NDST4: variants seen among roughly 807,000 people sequenced by gnomAD.
NDST4 encodes N-heparan sulfate sulfotransferase 4.
In NDST4, 63 loss-of-function variants were observed where a neutral mutation model predicts 100.8. The observed-to-expected ratio is 0.62, with a 90% CI of 0.51 to 0.77. NDST4 has a LOEUF of 0.77. Among genes scored for constraint, NDST4 ranks in the 30% least tolerant of loss-of-function variants. The probability of loss-of-function intolerance (pLI) is 0.00; values close to 1 mark genes in which losing one functional copy is unlikely to be tolerated. For missense variants in NDST4, 943 were observed against 1,018.4 expected (o/e 0.93, Z 1.01); for synonymous variants, 377 against 361.8 (o/e 1.04, Z -0.48).
intron 10 of NDST4, among the ~76,000 whole-genome samples, chr4:114,842,350 C>T (rs1305070703): frequency 2.0e-5 from 3 of 151,978 alleles, no homozygotes; most frequent in African/African-American, 7.3e-5. Flanking sequence ...TTTTCCATCT[C>T]AGGTCTTTGG....
At chr4:114,940,812 T>G (rs933899829) in intron 4 of NDST4, among the ~76,000 whole-genome samples, 2 of 152,164 alleles carry the variant, frequency 1.3e-5, no homozygotes, top group Admixed American at 6.5e-5. Context: ...AGTCCTGCTG[T>G]CAAGCTGGCC....
chr4:115,109,696 CTAT>C (rs1311665070), intron 1 of NDST4, among the ~76,000 whole-genome samples: 1 of 151,770 alleles, frequency 6.6e-6, no homozygotes, highest in African/African-American at 2.4e-5. Context: ...TTAAACATAA[CTAT>C]TTATTTAGTG....
chr4:114,994,679 G>C (rs931767548), intron 2 of NDST4, among the ~76,000 whole-genome samples: 5 of 151,964 alleles, frequency 3.3e-5, no homozygotes, highest in Admixed American at 3.3e-4. Context: ...ATTGTATACA[G>C]CTGGGTTTTG....
chr4:115,024,709 G>A lies in NDST4; in HGVS notation c.979-47435C>T, dbSNP rs185752609. On this transcript the variant is annotated intron_variant, in intron 2 of 13. Transcript: ENST00000264363. ...GTGCTGGAAGGAATTAAGACCTTTG[G>A]GGCTATTGGAATAGAATGAATGTAA... 3.4e-3 allele frequency among the ~76,000 whole-genome samples: 521 copies of A among 152,092 alleles called. 3 individuals carry two copies. The highest frequency in any genetic ancestry group is 4.1e-3 in the Non-Finnish European group (278 of 68,002).
chr4:114,955,016 T>C (rs1726107573), intron 4 of NDST4, among the ~76,000 whole-genome samples: 1 of 152,206 alleles, frequency 6.6e-6, no homozygotes, highest in African/African-American at 2.4e-5. Context: ...ATGCTTCTTA[T>C]AAAGCCTGCA....
chr4:115,008,390 C>A (rs1405522813), intron 2 of NDST4, among the ~76,000 whole-genome samples: 1 of 128,310 alleles, frequency 7.8e-6, no homozygotes, highest in Non-Finnish European at 1.7e-5. Flanking sequence ...TTAGGGCAGG[C>A]CTGGTGGTGA....
chr4:114,884,427 G>T (rs1578364594), intron 6 of NDST4, among the ~76,000 whole-genome samples: 2 of 152,102 alleles, frequency 1.3e-5, no homozygotes, highest in East Asian at 1.9e-4. Context: ...TCTGGCTAAG[G>T]TTATCTTACA....
chr4:114,973,721 A>G (rs939203868), intron 3 of NDST4, among the ~76,000 whole-genome samples: 1 of 151,856 alleles, frequency 6.6e-6, no homozygotes, highest in African/African-American at 2.4e-5. Context: ...AATCTCCTTA[A>G]AAGTACAGTT....
At chr4:114,874,001 T>C (rs1225200067) in intron 6 of NDST4, among the ~76,000 whole-genome samples, 1 of 152,140 alleles carries the variant, frequency 6.6e-6, no homozygotes, top group Non-Finnish European at 1.5e-5. Flanking sequence ...TGGCATTAAG[T>C]GCATTCACAT....
chr4:114,932,686 G>A lies in NDST4; in HGVS notation c.1536+2520C>T, dbSNP rs144647812. On this transcript the variant is annotated intron_variant, in intron 6 of 13. Coordinates refer to ENST00000264363, the MANE Select transcript of NDST4 (RefSeq NM_022569.3). ...AATGTACAAAAATAGTAGTGTTTCT[G>A]TACACTGACAAGTTATCTGAAAAAG... Among the ~76,000 whole-genome samples, 805 of 152,002 alleles carry A rather than the reference G, an allele frequency of 5.3e-3. 9 individuals carry two copies. The highest frequency in any genetic ancestry group is 0.018 in the African/African-American group (761 of 41,512).
At chr4:114,979,688 A>G (rs1434701385) in intron 2 of NDST4, among the ~76,000 whole-genome samples, 1 of 151,994 alleles carries the variant, frequency 6.6e-6, no homozygotes, top group Non-Finnish European at 1.5e-5. Context: ...AAGCAAGTTC[A>G]GAGAGGCAAA....
chr4:114,963,283 T>C (rs896456633), intron 4 of NDST4, among the ~76,000 whole-genome samples: 2 of 152,172 alleles, frequency 1.3e-5, no homozygotes, highest in African/African-American at 2.4e-5. Context: ...TATGTTACAA[T>C]GTGTTTGAAC....
In NDST4 at chr4:115,106,770, C is replaced by T. The variant is rs568271216; in HGVS notation, c.-247+6674G>A. On this transcript the variant is annotated intron_variant, in intron 1 of 13. Coordinates refer to ENST00000264363, the MANE Select transcript of NDST4 (RefSeq NM_022569.3). Reference sequence around the variant, plus strand: ...CATTATGTTAGGTCCATCATTCCAGCCAACTGGGTGATGTTTTGGAATATT... The same window carrying T: ...CATTATGTTAGGTCCATCATTCCAGTCAACTGGGTGATGTTTTGGAATATT... Among the ~76,000 whole-genome samples the T allele has an allele frequency of 1.4e-4, 22 of 152,168 alleles. 1 individual carries two copies. The South Asian group carries it at 3.9e-3, about 27-fold the overall frequency.
intron 6 of NDST4, among the ~76,000 whole-genome samples, chr4:114,874,624 A>C (rs550544601): frequency 7.8e-4 from 119 of 152,316 alleles, no homozygotes; most frequent in Middle Eastern, 3.4e-3. Context: ...GCTTGCTAAA[A>C]TCACCTATTG....
At chr4:114,972,031 C>T (rs1340738760) in intron 3 of NDST4, among the ~76,000 whole-genome samples, 1 of 117,782 alleles carries the variant, frequency 8.5e-6, no homozygotes, top group Non-Finnish European at 1.7e-5. Context: ...TTTGAATATA[C>T]CTTAAAAATT....
intron 2 of NDST4, among the ~76,000 whole-genome samples, chr4:115,021,264 T>C (rs1469267673): frequency 0.01 from 1,448 of 141,048 alleles, 37 homozygotes; most frequent in African/African-American, 0.043. Flanking sequence ...TCCACATATA[T>C]ATATTCCACA....
At position 115,014,022 on chromosome 4, in the gene NDST4, G is replaced by A. The variant is rs527919792; in HGVS notation, c.979-36748C>T. 3.9e-5 allele frequency among the ~76,000 whole-genome samples: 6 copies of A among 152,166 alleles called. No homozygotes were observed. The South Asian group carries it at 1.0e-3, about 26-fold the overall frequency. ...AGTGGATTACCCTAAGCCTACACAG[G>A]TGGTGACTCAAATTGCAGCTGCTGT... On this transcript the variant is annotated intron_variant, in intron 2 of 13. Coordinates refer to ENST00000264363, the MANE Select transcript of NDST4 (RefSeq NM_022569.3).
intron 2 of NDST4, among the ~76,000 whole-genome samples, chr4:115,055,620 G>A (rs1336720899): frequency 6.6e-6 from 1 of 152,024 alleles, no homozygotes; most frequent in Non-Finnish European, 1.5e-5. Flanking sequence ...TAGATTTGGG[G>A]GCCTTTTTAA....
chr4:114,979,845 C>CAAAT (rs148259899), intron 2 of NDST4, among the ~76,000 whole-genome samples: 4,067 of 151,472 alleles, frequency 0.027, 123 homozygotes, highest in African/African-American at 0.068. Context: ...AAAAACAAAA[C>CAAAT]GAATGAAAAA....
Sources: gnomAD v4.1 joint callset for allele counts (sites outside exome capture counted in the v4.1 genomes callset) on GRCh38, gnomAD v4.1.1 for gene constraint, MANE v1.5 for transcripts, NCBI Gene and HGNC (gene_info 2026-07-23, HGNC 2026-07-21) for gene names.